KSR2: variants seen among roughly 807,000 people sequenced by gnomAD.
The protein encoded by KSR2 is kinase suppressor of ras 2.
KSR2 carries 25 observed loss-of-function variants against 107.8 expected under a neutral mutation model. That is an observed-to-expected ratio of 0.23 (90% CI 0.17 to 0.32). The LOEUF is 0.32. Among genes scored for constraint, KSR2 ranks in the 10% least tolerant of loss-of-function variants. The pLI is 1.00. For missense variants in KSR2, 887 were observed against 1,268.9 expected, an observed-to-expected ratio of 0.70 and a Z score of 4.57; for synonymous variants, 480 against 507.0, an observed-to-expected ratio of 0.95 and a Z score of 0.71.
rs148252569 is a variant in KSR2 at position 117,773,226 on chromosome 12, T to A, written c.473-11702A>T. ...TCTGGGGGTTATTAATTGTCACCCT[T>A]GCTATCTTGTCATCTGTTTCTGGCA... is the stretch of plus-strand genomic sequence containing the variant. On this transcript the variant is annotated intron_variant, in intron 3 of 19. Coordinates refer to ENST00000339824, the MANE Select transcript of KSR2 (RefSeq NM_173598.6). Among the ~76,000 whole-genome samples the A allele has an allele frequency of 2.9e-3, 437 of 152,314 alleles. 1 individual carries two copies. The highest frequency in any genetic ancestry group is 4.9e-3 in the Non-Finnish European group (335 of 68,026).
intron 3 of KSR2, among the ~76,000 whole-genome samples, chr12:117,831,754 G>T (rs1323974534): frequency 6.6e-6 from 1 of 152,170 alleles, no homozygotes; most frequent in Non-Finnish European, 1.5e-5. Flanking sequence ...TCCACACATG[G>T]AAGTGATGGC....
chr12:117,631,566 C>T (rs1328997851), intron 5 of KSR2, among the ~76,000 whole-genome samples: 1 of 152,062 alleles, frequency 6.6e-6, no homozygotes, highest in African/African-American at 2.4e-5. Flanking sequence ...ATTTTTCATG[C>T]CTAATTATTT....
At chr12:117,719,856 G>A (rs1293210649) in intron 4 of KSR2, among the ~76,000 whole-genome samples, 2 of 152,220 alleles carry the variant, frequency 1.3e-5, no homozygotes, top group Admixed American at 6.5e-5. Flanking sequence ...AACAGAGTCT[G>A]AGAATATTAG....
intron 9 of KSR2, among the ~76,000 whole-genome samples, chr12:117,544,532 T>C (rs1375385301): frequency 6.6e-6 from 1 of 151,664 alleles, no homozygotes; most frequent in Non-Finnish European, 1.5e-5. Flanking sequence ...GGCGGAAGAA[T>C]CACTTGAACC....
intron 14 of KSR2, among the ~76,000 whole-genome samples, chr12:117,517,346 C>G (rs1874439181): frequency 3.3e-5 from 5 of 152,226 alleles, no homozygotes; most frequent in Admixed American, 3.3e-4. Context: ...ATGTCATTCT[C>G]TCTGGCTGGA....
At chr12:117,891,131 T>C (rs926050153) in intron 1 of KSR2, 2 of 152,220 alleles carry the variant, frequency 1.3e-5, no homozygotes, top group African/African-American at 4.8e-5. Context: ...AATGTCTTCT[T>C]ATGGCTGGGT....
intron 4 of KSR2, among the ~76,000 whole-genome samples, chr12:117,671,305 G>T (rs1884896133): frequency 6.6e-6 from 1 of 152,106 alleles, no homozygotes; most frequent in Non-Finnish European, 1.5e-5. Flanking sequence ...TTCCTTCTCA[G>T]TTCTCTCTCT....
intron 3 of KSR2, among the ~76,000 whole-genome samples, chr12:117,768,553 A>G (rs1889326903): frequency 1.3e-5 from 2 of 152,060 alleles, no homozygotes; most frequent in South Asian, 4.1e-4. Flanking sequence ...GAAGCTGAGC[A>G]TCATGGAAAC....
chr12:117,772,251 C>T (rs1448274324), intron 3 of KSR2, among the ~76,000 whole-genome samples: 2 of 143,394 alleles, frequency 1.4e-5, no homozygotes, highest in Non-Finnish European at 3.0e-5. Context: ...AACACTCACA[C>T]ATACACACCA....
chr12:117,481,968 T>C (rs919431874), intron 16 of KSR2, among the ~76,000 whole-genome samples: 2 of 152,110 alleles, frequency 1.3e-5, no homozygotes, highest in East Asian at 1.9e-4. Context: ...TGTGGATCCC[T>C]AGAGCTACAC....
At chr12:117,571,490 C>T (rs892841499) in intron 7 of KSR2, among the ~76,000 whole-genome samples, 3 of 152,084 alleles carry the variant, frequency 2.0e-5, no homozygotes, top group Non-Finnish European at 4.4e-5. Flanking sequence ...GGGGGAGGGG[C>T]TTAGTCTCAG....
chr12:117,569,025 C>T (rs376008222), intron 7 of KSR2, among the ~76,000 whole-genome samples: 12 of 152,312 alleles, frequency 7.9e-5, no homozygotes, highest in African/African-American at 2.6e-4. Flanking sequence ...GCAGCTGCGA[C>T]ATCAGCACTC....
intron 1 of KSR2, among the ~76,000 whole-genome samples, chr12:117,930,142 T>C (rs1003996795): frequency 6.6e-6 from 1 of 152,176 alleles, no homozygotes; most frequent in Non-Finnish European, 1.5e-5. Context: ...CAAGCGATTC[T>C]TGTGCCTCAG....
In KSR2 at chr12:117,834,801, G is replaced by C. The variant is rs148247872; in HGVS notation, c.472+20627C>G. 7.0e-4 allele frequency among the ~76,000 whole-genome samples: 106 copies of C among 152,290 alleles called. 1 individual carries two copies. Among genetic ancestry groups the C allele is most frequent in the Middle Eastern group, 6.8e-3 (2 of 294 alleles). On this transcript the variant is annotated intron_variant, in intron 3 of 19. Transcript: ENST00000339824. ...GAGCTGAGACCCAAATAATGAAAAG[G>C]AGCTGGCTCACAGAAACAGTATTGC... is the stretch of plus-strand genomic sequence containing the variant.
At chr12:117,675,577 T>G (rs1251032345) in intron 4 of KSR2, among the ~76,000 whole-genome samples, 1 of 152,220 alleles carries the variant, frequency 6.6e-6, no homozygotes, top group African/African-American at 2.4e-5. Flanking sequence ...TCTCCCAGCT[T>G]TCATCACAGA....
chr12:117,568,451 C>G (rs926607347), intron 7 of KSR2, among the ~76,000 whole-genome samples: 1 of 152,166 alleles, frequency 6.6e-6, no homozygotes, highest in Non-Finnish European at 1.5e-5. Context: ...TGCCGGCCTG[C>G]TGTGTAGCCA....
intron 14 of KSR2, among the ~76,000 whole-genome samples, chr12:117,514,849 G>A (rs1418625648): frequency 1.3e-5 from 2 of 152,004 alleles, no homozygotes; most frequent in Non-Finnish European, 1.5e-5. Context: ...CACCCGGTCA[G>A]ATCTCTCTAG....
rs961215367 is a variant in KSR2 at position 117,464,332 on chromosome 12, C to T, written c.*2867G>A. 6.6e-6 allele frequency: 1 copy of T among 152,258 alleles called. No individual in the cohort carries two copies. Among genetic ancestry groups the T allele is most frequent in the African/African-American group, 2.4e-5 (1 of 41,442 alleles). The allele number at this position is 152,258 out of a possible 1,614,324, so 9.4% of individuals were successfully genotyped here. ...AAAAGCAAGACTGACTGGAACAACT[C>T]GCTGCTGAGTCAGTGACTTATGTGT... On this transcript the variant is annotated 3_prime_UTR_variant, in exon 20 of 20. Transcript: ENST00000339824.
At chr12:117,851,814 C>G (rs1485457841) in intron 3 of KSR2, among the ~76,000 whole-genome samples, 1 of 151,802 alleles carries the variant, frequency 6.6e-6, no homozygotes, top group East Asian at 1.9e-4. Context: ...TCACTTGAAT[C>G]CAGGAAGTGG....
Sources: allele counts gnomAD v4.1 joint callset (sites outside exome capture counted in the v4.1 genomes callset), GRCh38; gene constraint gnomAD v4.1.1; transcripts MANE v1.5; gene names NCBI Gene and HGNC (gene_info 2026-07-23, HGNC 2026-07-21).